PARD3: variants seen among roughly 807,000 people sequenced by gnomAD.
PARD3 encodes partitioning defective 3 homolog.
PARD3 carries 75 observed loss-of-function variants against 155.4 expected under a neutral mutation model. That is an observed-to-expected ratio of 0.48 (90% CI 0.40 to 0.58). The LOEUF (loss-of-function observed/expected upper bound fraction) is 0.58. PARD3 is among the 20% of genes least tolerant of loss of function. The pLI is 0.00. For missense variants in PARD3, 1,642 were observed against 1,721.7 expected (o/e 0.95, Z 0.82); for synonymous variants, 576 against 610.5 (o/e 0.94, Z 0.83).
intron 1 of PARD3, among the ~76,000 whole-genome samples, chr10:34,699,451 C>T (rs2496744): frequency 0.59 from 89,424 of 152,134 alleles, 27,687 homozygotes; most frequent in Non-Finnish European, 0.67. Flanking sequence ...ACAGTGGTCT[C>T]TTGGGAAATT....
intron 2 of PARD3, among the ~76,000 whole-genome samples, chr10:34,664,449 C>G (rs1301584832): frequency 6.6e-6 from 1 of 151,904 alleles, no homozygotes; most frequent in Non-Finnish European, 1.5e-5. Flanking sequence ...GATCCGCCCA[C>G]CTCAGCCTCC....
chr10:34,154,545 A>C (rs1305214549), intron 22 of PARD3, among the ~76,000 whole-genome samples: 2 of 152,200 alleles, frequency 1.3e-5, no homozygotes, highest in African/African-American at 2.4e-5. Context: ...AAGGAACAAC[A>C]GTAGACAGGT....
chr10:34,230,212 C>T (rs1952849159), intron 22 of PARD3, among the ~76,000 whole-genome samples: 1 of 152,130 alleles, frequency 6.6e-6, no homozygotes, highest in South Asian at 2.1e-4. Flanking sequence ...AGAACATAAA[C>T]CTACCCAGCC....
chr10:34,393,307 A>T (rs577097939), intron 7 of PARD3, among the ~76,000 whole-genome samples: 46 of 152,068 alleles, frequency 3.0e-4, no homozygotes, highest in Non-Finnish European at 5.6e-4. Context: ...AGGCCAGGCA[A>T]GGTGGCTCAT....
At chr10:34,674,702 G>A (rs1474091641) in intron 2 of PARD3, among the ~76,000 whole-genome samples, 1 of 151,978 alleles carries the variant, frequency 6.6e-6, no homozygotes. Context: ...GGCCAGGCTG[G>A]TCTCGAACTC....
intron 22 of PARD3, among the ~76,000 whole-genome samples, chr10:34,141,993 T>C (rs1252366955): frequency 6.6e-6 from 1 of 152,186 alleles, no homozygotes; most frequent in African/African-American, 2.4e-5. Flanking sequence ...TCAAACTAAT[T>C]ATCAAGGTTT....
At chr10:34,190,282 T>C (rs922735722) in intron 22 of PARD3, among the ~76,000 whole-genome samples, 1 of 152,140 alleles carries the variant, frequency 6.6e-6, no homozygotes, top group African/African-American at 2.4e-5. Context: ...AAGGAGCAAA[T>C]AGGAGGATCT....
At chr10:34,446,231 A>T (rs1160122670) in intron 5 of PARD3, among the ~76,000 whole-genome samples, 2 of 152,198 alleles carry the variant, frequency 1.3e-5, no homozygotes, top group African/African-American at 4.8e-5. Flanking sequence ...AATGTGAGTG[A>T]GGTTGCTAAG....
intron 2 of PARD3, among the ~76,000 whole-genome samples, chr10:34,622,752 C>A (rs775698223): frequency 6.6e-6 from 1 of 151,174 alleles, no homozygotes; most frequent in Non-Finnish European, 1.5e-5. Flanking sequence ...AATCTAAGGC[C>A]GAACAGTAAT....
intron 4 of PARD3, among the ~76,000 whole-genome samples, chr10:34,455,334 T>C (rs1306845210): frequency 6.6e-6 from 1 of 152,200 alleles, no homozygotes; most frequent in Non-Finnish European, 1.5e-5. Context: ...GTTAAGATTT[T>C]ACATTTCCCA....
At chr10:34,254,212 T>A (rs1954510551) in intron 22 of PARD3, among the ~76,000 whole-genome samples, 1 of 151,870 alleles carries the variant, frequency 6.6e-6, no homozygotes, top group African/African-American at 2.4e-5. Context: ...AAACCCTATC[T>A]CTACTAAAAA....
chr10:34,773,042 A>G (rs935914934), intron 1 of PARD3, among the ~76,000 whole-genome samples: 1 of 152,130 alleles, frequency 6.6e-6, no homozygotes, highest in Admixed American at 6.6e-5. Context: ...GGCACACCAA[A>G]AACAGCTGAC....
intron 1 of PARD3, among the ~76,000 whole-genome samples, chr10:34,778,034 A>G (rs1171706963): frequency 3.3e-5 from 5 of 152,212 alleles, no homozygotes; most frequent in African/African-American, 1.2e-4. Context: ...CTGTCCCTCC[A>G]TATCCGTAAT....
chr10:34,343,722 T>C lies in PARD3; in HGVS notation c.2219-1906A>G, dbSNP rs563089074. ...ATTATGTTTGCTAGTAGTTGGTACATCATAAATGTGAAACCTTCTATGACT... is the reference window on the plus strand; with the variant it reads ...ATTATGTTTGCTAGTAGTTGGTACACCATAAATGTGAAACCTTCTATGACT... On this transcript the variant is annotated intron_variant, in intron 15 of 24. Coordinates refer to ENST00000374788, the MANE Select transcript of PARD3 (RefSeq NM_001184785.2). 5 of 984,778 alleles carry C rather than the reference T, an allele frequency of 5.1e-6. No individual in the cohort carries two copies. In the East Asian group the frequency reaches 5.7e-4, roughly 112 times the overall value. 61.0% of individuals were successfully genotyped at this position (984,778 alleles called of 1,614,324 possible). A position where few individuals can be genotyped will look rare whatever the true frequency, so the allele number is the denominator to read the frequency against.
Position 34,781,587 on chromosome 10 carries a change from C to G in PARD3, c.120+33289G>C, listed in dbSNP as rs550389152. 2.6e-5 allele frequency among the ~76,000 whole-genome samples: 4 copies of G among 152,326 alleles called. No homozygotes were observed. In the East Asian group the frequency reaches 7.7e-4, roughly 29 times the overall value. The stretch of plus-strand genomic sequence containing the variant: ...TGGTAGGTGACAGCTGGATCTGATT[C>G]TCTAAATATACCAGGCCTTTTCCTA... On this transcript the variant is annotated intron_variant, in intron 1 of 24. Transcript: ENST00000374788.
At chr10:34,577,504 G>T (rs150576162) in intron 2 of PARD3, among the ~76,000 whole-genome samples, 1 of 152,270 alleles carries the variant, frequency 6.6e-6, no homozygotes, top group East Asian at 1.9e-4. Flanking sequence ...GTTTCAAACC[G>T]CTGGACACTC....
At chr10:34,407,374 G>A (rs1359953515) in intron 5 of PARD3, among the ~76,000 whole-genome samples, 5 of 152,170 alleles carry the variant, frequency 3.3e-5, no homozygotes, top group African/African-American at 1.2e-4. Context: ...AGTCCTCACA[G>A]CTGTGCAGGA....
chr10:34,227,852 TTTTTTATA>T (rs1355713322), intron 22 of PARD3, among the ~76,000 whole-genome samples: 1,482 of 31,386 alleles, frequency 0.047, 152 homozygotes, highest in African/African-American at 0.16. Flanking sequence ...ATGGGAATTA[TTTTTTATA>T]TATATATATA....
chr10:34,465,072 G>A (rs894387839), intron 4 of PARD3, among the ~76,000 whole-genome samples: 4 of 152,124 alleles, frequency 2.6e-5, no homozygotes, highest in Non-Finnish European at 5.9e-5. Flanking sequence ...CTATTACAAA[G>A]AAAATGCTTT....
Sources: allele counts gnomAD v4.1 joint callset (sites outside exome capture counted in the v4.1 genomes callset), GRCh38; gene constraint gnomAD v4.1.1; transcripts MANE v1.5; gene names NCBI Gene and HGNC (gene_info 2026-07-23, HGNC 2026-07-21).